The following CLVS2 variants were observed in gnomAD, a reference collection of about 807,000 sequenced individuals.
CLVS2 encodes clavesin 2, also known as clavesin-2.
A neutral mutation model predicts 29.0 loss-of-function variants in CLVS2; 19 were observed. The observed-to-expected ratio is 0.66, with a 90% CI of 0.46 to 0.96. The LOEUF is 0.96. CLVS2 is among the 40% of genes least tolerant of loss of function. CLVS2 has a pLI of 0.00. For synonymous variants in CLVS2, 161 were observed against 151.3 expected, an observed-to-expected ratio of 1.06 and a Z score of -0.47; for missense variants, 294 against 404.1, an observed-to-expected ratio of 0.73 and a Z score of 2.34.
chr6:123,043,981 T>C (rs1201502192), intron 3 of CLVS2, among the ~76,000 whole-genome samples: 2 of 152,192 alleles, frequency 1.3e-5, no homozygotes, highest in Non-Finnish European at 1.5e-5. Context: ...CATATAATGA[T>C]ACATATCAAT....
intron 2 of CLVS2, among the ~76,000 whole-genome samples, chr6:123,006,472 G>GAGAA (rs1774670719): frequency 6.6e-6 from 1 of 152,042 alleles, no homozygotes; most frequent in Non-Finnish European, 1.5e-5. Context: ...AAAGATGGGA[G>GAGAA]AGAAAGAAAA....
chr6:122,997,834 G>A lies in CLVS2; in HGVS notation c.57G>A (p.Glu19=), dbSNP rs1369156356. ...AGACCCTGGAGAAAGCTCGCCTGGA[G>A]CTCAATGAAAACCCAGACACGCTGC... ...SPETLEKARL[E]LNENPDTLHQ... Residue 19 remains glutamate, a synonymous_variant, in exon 2 of 6, where the codon GAG becomes GAA. Coordinates refer to ENST00000275162, the MANE Select transcript of CLVS2 (RefSeq NM_001010852.4). The A allele has an allele frequency of 6.2e-7, 1 of 1,614,180 alleles. No individual in the cohort carries two copies. The highest frequency in any genetic ancestry group is 8.5e-7 in the Non-Finnish European group (1 of 1,180,024).
intron 3 of CLVS2, among the ~76,000 whole-genome samples, chr6:123,039,157 C>G (rs1467734479): frequency 6.6e-6 from 1 of 152,134 alleles, no homozygotes; most frequent in African/African-American, 2.4e-5. Context: ...CTCAGTTTCT[C>G]TAGCCTACAT....
At chr6:123,061,799 T>C (rs78653217) in intron 5 of CLVS2, among the ~76,000 whole-genome samples, 2,589 of 152,340 alleles carry the variant, frequency 0.017, 44 homozygotes, top group South Asian at 0.086. Context: ...GCTTAACTAT[T>C]GTGCCTTGTG....
At chr6:123,015,905 G>A (rs1254648143) in intron 3 of CLVS2, among the ~76,000 whole-genome samples, 3 of 151,608 alleles carry the variant, frequency 2.0e-5, no homozygotes, top group Non-Finnish European at 4.4e-5. Flanking sequence ...ATTGGTCCAA[G>A]GTAAGTTTAT....
intron 3 of CLVS2, among the ~76,000 whole-genome samples, chr6:123,043,032 G>T (rs1326455600): frequency 6.6e-6 from 1 of 152,050 alleles, no homozygotes; most frequent in Admixed American, 6.6e-5. Context: ...GTTCCTGAGG[G>T]AATTAGCAAT....
chr6:123,047,699 A>G (rs1275058031), intron 3 of CLVS2, among the ~76,000 whole-genome samples: 1 of 151,736 alleles, frequency 6.6e-6, no homozygotes, highest in Non-Finnish European at 1.5e-5. Flanking sequence ...ATTCAGAAGA[A>G]TGCCGAGTAT....
At chr6:123,009,036 A>G (rs1774712088) in intron 2 of CLVS2, among the ~76,000 whole-genome samples, 1 of 152,138 alleles carries the variant, frequency 6.6e-6, no homozygotes, top group Non-Finnish European at 1.5e-5. Flanking sequence ...AGTAAACTAT[A>G]TCTGTGCTTA....
rs1178291336 is a variant in CLVS2 at position 123,048,697 on chromosome 6, A to G, written c.640A>G (p.Ile214Val). Residue 214 changes from isoleucine to valine, a missense_variant, in exon 4 of 6, where the codon ATC (isoleucine) becomes GTC (valine). Physicochemically the swap from Ile to Val is conservative, Grantham distance 29 (BLOSUM62 3). Transcript: ENST00000275162. ...GTATATCCATGCCCTGTACACCGTG[A>G]TCCGGCCTTTCCTGAAGGAGAAAAC... ...PWYIHALYTV[I>V]RPFLKEKTRK... The G allele has an allele frequency of 6.2e-7, 1 of 1,613,316 alleles. No homozygotes were observed. Among genetic ancestry groups the G allele is most frequent in the African/African-American group, 1.3e-5 (1 of 74,878 alleles).
chr6:123,020,211 G>T (rs1197594116), intron 3 of CLVS2, among the ~76,000 whole-genome samples: 4 of 152,072 alleles, frequency 2.6e-5, no homozygotes, highest in African/African-American at 9.7e-5. Flanking sequence ...CTTGGGATCA[G>T]AAATACTTTG....
chr6:123,054,822 AG>A lies in CLVS2; in HGVS notation c.676-983del, dbSNP rs1292128254. Among the ~76,000 whole-genome samples, 4 of 150,092 alleles carry A rather than the reference AG, an allele frequency of 2.7e-5. 1 individual carries two copies. In the South Asian group the frequency reaches 6.5e-4, roughly 24 times the overall value. On this transcript the variant is annotated intron_variant, in intron 4 of 5. Coordinates refer to ENST00000275162, the MANE Select transcript of CLVS2 (RefSeq NM_001010852.4). The stretch of plus-strand genomic sequence containing the variant: ...GAGTATGTGGCTTGAATATGCCTCA[AG>A]TTTTTTTTTTTTTAAAGCACTATTT...
intron 5 of CLVS2, among the ~76,000 whole-genome samples, chr6:123,059,802 T>C (rs887199861): frequency 5.9e-5 from 9 of 152,224 alleles, no homozygotes; most frequent in African/African-American, 2.2e-4. Flanking sequence ...TAGCCTAGTC[T>C]ATCCACCTTT....
rs199920685 is a variant in CLVS2, at chr6:123,063,797, G to A, written c.*36G>A. The stretch of plus-strand genomic sequence containing the variant: ...ACATCCCCTTCATGGATTAGAAATG[G>A]AAAGTATTGGTTTTCAGCAACAGGG... On this transcript the variant is annotated 3_prime_UTR_variant, in exon 6 of 6. Coordinates refer to ENST00000275162, the MANE Select transcript of CLVS2 (RefSeq NM_001010852.4). The A allele has an allele frequency of 2.8e-6, 4 of 1,414,648 alleles. No homozygotes were observed. Among genetic ancestry groups the A allele is most frequent in the East Asian group, 4.6e-5 (2 of 43,744 alleles). 87.6% of individuals were successfully genotyped at this position (1,414,648 alleles called of 1,614,324 possible). A position where few individuals can be genotyped will look rare whatever the true frequency, so the allele number is the denominator to read the frequency against.
chr6:123,019,897 C>A (rs560766396), intron 3 of CLVS2, among the ~76,000 whole-genome samples: 9 of 151,976 alleles, frequency 5.9e-5, no homozygotes, highest in Non-Finnish European at 1.3e-4. Flanking sequence ...ATTCCAAGTT[C>A]AAGTTCAAAG....
chr6:122,999,036 A>C (rs1451392855), intron 2 of CLVS2, among the ~76,000 whole-genome samples: 1 of 152,240 alleles, frequency 6.6e-6, no homozygotes, highest in African/African-American at 2.4e-5. Flanking sequence ...GAAAGATATA[A>C]GAAATTATAA....
intron 3 of CLVS2, among the ~76,000 whole-genome samples, chr6:123,039,905 A>G (rs1775203889): frequency 6.6e-6 from 1 of 152,170 alleles, no homozygotes. Context: ...TTCTACTTTA[A>G]GTTGTCTATA....
chr6:123,032,346 G>A (rs766284583), intron 3 of CLVS2, among the ~76,000 whole-genome samples: 7 of 151,960 alleles, frequency 4.6e-5, no homozygotes, highest in Non-Finnish European at 8.8e-5. Flanking sequence ...TCAGGAGTAG[G>A]GGAGACAAAT....
At chr6:123,052,562 A>G (rs577529668) in intron 4 of CLVS2, among the ~76,000 whole-genome samples, 1 of 152,198 alleles carries the variant, frequency 6.6e-6, no homozygotes, top group Non-Finnish European at 1.5e-5. Flanking sequence ...AGGCTCATGC[A>G]AGAGCACACC....
chr6:123,061,525 G>A lies in CLVS2; in HGVS notation c.897-2149G>A, dbSNP rs529354865. Among the ~76,000 whole-genome samples the A allele has an allele frequency of 2.1e-4, 32 of 152,262 alleles. 1 individual carries two copies. The South Asian group carries it at 2.3e-3, about 11-fold the overall frequency. On this transcript the variant is annotated intron_variant, in intron 5 of 5. Transcript: ENST00000275162. ...AAAGAATTAATCACAAATTGTTTCT[G>A]ACTCACTTTTGTTCTGTGATTGAGG... is the stretch of plus-strand genomic sequence containing the variant.
Sources: gnomAD v4.1 joint callset for allele counts (sites outside exome capture counted in the v4.1 genomes callset) on GRCh38, gnomAD v4.1.1 for gene constraint, MANE v1.5 for transcripts, NCBI Gene and HGNC (gene_info 2026-07-23, HGNC 2026-07-21) for gene names.